MYH11: variants seen among roughly 807,000 people sequenced by gnomAD.
MYH11 encodes the protein myosin-11.
A neutral mutation model predicts 246.6 loss-of-function variants in MYH11; 80 were observed. The observed-to-expected ratio is 0.32, with a 90% CI of 0.27 to 0.39. The LOEUF is 0.39. Among genes scored for constraint, MYH11 ranks in the 10% least tolerant of loss-of-function variants. The pLI, the probability that MYH11 is intolerant of heterozygous loss-of-function variation, is 1.00. For synonymous variants in MYH11, 1,071 were observed against 1,015.5 expected (o/e 1.05, Z -1.04); for missense variants, 2,158 against 2,546.8 (o/e 0.85, Z 3.29).
intron 3 of MYH11, among the ~76,000 whole-genome samples, chr16:15,810,394 C>A (rs1274732600): frequency 6.6e-6 from 1 of 151,924 alleles, no homozygotes; most frequent in Non-Finnish European, 1.5e-5. Flanking sequence ...CTGTAATGCA[C>A]CATGGGTACC....
chr16:15,708,969 G>T, intron 40 of MYH11: 3 of 1,004,162 alleles, frequency 3.0e-6, no homozygotes, highest in Non-Finnish European at 4.6e-6. Context: ...TTTATTTTGA[G>T]ATAGTCTCTG....
intron 3 of MYH11, among the ~76,000 whole-genome samples, chr16:15,812,636 G>A (rs1403961908): frequency 6.9e-6 from 1 of 144,946 alleles, no homozygotes; most frequent in Non-Finnish European, 1.5e-5. Context: ...ACTTTGAGAA[G>A]CCTAGGCAGG....
intron 3 of MYH11, 77 bp downstream of exon 3, chr16:15,823,178 T>G: frequency 6.3e-7 from 1 of 1,596,966 alleles, no homozygotes; most frequent in Non-Finnish European, 8.6e-7. Flanking sequence ...AACTCCACAT[T>G]CCTGGCAAGA....
intron 28 of MYH11, 76 bp downstream of exon 28, chr16:15,726,772 G>A: frequency 6.4e-7 from 1 of 1,557,762 alleles, no homozygotes; most frequent in South Asian, 1.1e-5. Context: ...ACCTCAGCGA[G>A]CCGGGAAGAG....
chr16:15,790,379 C>G (rs956103136), intron 4 of MYH11, among the ~76,000 whole-genome samples: 2 of 151,700 alleles, frequency 1.3e-5, no homozygotes, highest in Admixed American at 6.6e-5. Context: ...CTATCCGTGG[C>G]TATGGTCTCC....
intron 13 of MYH11, 31 bp from the exon 14 acceptor site, chr16:15,756,545 G>A (rs2041722164): frequency 1.2e-6 from 2 of 1,613,230 alleles, no homozygotes; most frequent in Non-Finnish European, 1.7e-6. Flanking sequence ...TTGAATCAGA[G>A]AGAACACCCA....
chr16:15,753,254 C>G, intron 15 of MYH11, 140 bp downstream of exon 15: 1 of 766,408 alleles, frequency 1.3e-6, no homozygotes, highest in Non-Finnish European at 2.3e-6. Context: ...CGAGACATCA[C>G]CAGCCCATGC....
rs2041530971 is a variant in MYH11, at chr16:15,750,259, T to C, written c.1937A>G (p.Lys646Arg). The change falls in exon 16 of 41, where the codon AAG becomes AGG. Residue 646 changes from lysine to arginine, a missense_variant. Physicochemically the swap from Lys to Arg is conservative, Grantham distance 26 (BLOSUM62 2). This residue lies in a region of MYH11 where 317 missense variants were observed against 507.7 expected (regional missense o/e 0.62). Transcript: ENST00000300036. This position sits in a 1 kb window ranked among gnomAD's most constrained non-coding sequence, Gnocchi z 4.3. ...ESSLPSASKT[K>R]KGMFRTVGQL... ...CCCCACTGTGCGGAACATGCCCTTCTTGGTCTTGGAGGCGCTGGGCAGCGA... is the reference window on the plus strand; with the variant it reads ...CCCCACTGTGCGGAACATGCCCTTCCTGGTCTTGGAGGCGCTGGGCAGCGA... The C allele has an allele frequency of 6.2e-7, 1 of 1,614,184 alleles. No homozygotes were observed. Among genetic ancestry groups the C allele is most frequent in the Non-Finnish European group, 8.5e-7 (1 of 1,180,016 alleles).
Position 15,721,551 on chromosome 16 carries a change from G to A in MYH11, c.4449C>T (p.Thr1483=). The A allele has an allele frequency of 6.2e-7, 1 of 1,614,182 alleles. No individual in the cohort carries two copies. The highest frequency in any genetic ancestry group is 1.3e-5 in the African/African-American group (1 of 75,052). ...RAEAEAREKE[T]KALSLARALE... The stretch of plus-strand genomic sequence containing the variant: ...GGGCCCGAGCCAGGGACAGGGCCTT[G>A]GTTTCCTTCTCCCTGGCTTCTGCCT... Residue 1483 remains threonine, a synonymous_variant, in exon 32 of 41, where the codon ACC becomes ACT. Coordinates refer to ENST00000300036, the MANE Select transcript of MYH11 (RefSeq NM_002474.3).
intron 16 of MYH11, 46 bp from the exon 17 acceptor site, chr16:15,748,214 T>A (rs2041473070): frequency 6.2e-7 from 1 of 1,610,282 alleles, no homozygotes; most frequent in Non-Finnish European, 8.5e-7. Flanking sequence ...CCAGAAACCA[T>A]GGCGCAGCAA....
chr16:15,706,184 C>A (rs1179867825), intron 40 of MYH11, among the ~76,000 whole-genome samples: 2 of 152,218 alleles, frequency 1.3e-5, no homozygotes, highest in South Asian at 4.2e-4. Flanking sequence ...AGTAAACACT[C>A]CTAGCCCAGC....
rs1295303475 is a variant in MYH11 at position 15,709,567 on chromosome 16, G to A, written c.5786+5342C>T. 5.9e-5 allele frequency among the ~76,000 whole-genome samples: 9 copies of A among 152,108 alleles called. No homozygotes were observed. In the South Asian group the frequency reaches 6.2e-4, roughly 11 times the overall value. Reference sequence around the variant, plus strand: ...TGACCTCAAGTGATCCACCCACCTCGGCCTCCCAAAGAGCTGGGATTACAG... The same window carrying A: ...TGACCTCAAGTGATCCACCCACCTCAGCCTCCCAAAGAGCTGGGATTACAG... On this transcript the variant is annotated intron_variant, in intron 40 of 40. Transcript: ENST00000300036.
At chr16:15,740,335 T>C in intron 22 of MYH11, 147 bp from the exon 23 acceptor site, 1 of 1,283,512 alleles carries the variant, frequency 7.8e-7, no homozygotes, top group South Asian at 1.3e-5. Context: ...GGCCTGAGCG[T>C]GGTGGCTCAC....
At chr16:15,833,122 C>A (rs899427348) in intron 2 of MYH11, among the ~76,000 whole-genome samples, 1 of 151,210 alleles carries the variant, frequency 6.6e-6, no homozygotes, top group Non-Finnish European at 1.5e-5. Flanking sequence ...TACGGTGTGA[C>A]CCCACCTCTA....
In MYH11 at chr16:15,823,409, C is replaced by T. The variant is rs781275376; in HGVS notation, c.348G>A (p.Thr116=). 36 of 1,613,992 alleles carry T rather than the reference C, an allele frequency of 2.2e-5. 1 individual carries two copies. The highest frequency in any genetic ancestry group is 1.6e-4 in the South Asian group (15 of 91,092). Residue 116 remains threonine (T), a splice_region_variant and synonymous_variant, in exon 3 of 41, where the codon ACG becomes ACA. Coordinates refer to ENST00000300036, the MANE Select transcript of MYH11 (RefSeq NM_002474.3). The stretch of plus-strand genomic sequence containing the variant: ...CCACCACGCAGAAGAGGCCAGAGTA[C>T]GTCTGCAGACAGAGAACCCAGCTTA... The part of the protein sequence containing the change: ...RERYFSGLIY[T]YSGLFCVVVN...
At chr16:15,848,409 T>C (rs2044252872) in intron 1 of MYH11, among the ~76,000 whole-genome samples, 1 of 151,994 alleles carries the variant, frequency 6.6e-6, no homozygotes, top group African/African-American at 2.4e-5. Flanking sequence ...AATTTTTGTA[T>C]TTTTAGTAGA....
At chr16:15,766,446 G>A (rs1437554677) in intron 9 of MYH11, among the ~76,000 whole-genome samples, 2 of 150,966 alleles carry the variant, frequency 1.3e-5, no homozygotes, top group Non-Finnish European at 1.5e-5. Flanking sequence ...TCGGCTCACT[G>A]CAACCTCTGC....
intron 3 of MYH11, among the ~76,000 whole-genome samples, chr16:15,802,441 C>T (rs1437658774): frequency 1.3e-5 from 2 of 152,174 alleles, no homozygotes; most frequent in Non-Finnish European, 2.9e-5. Flanking sequence ...CCTCAGACTG[C>T]GATGTTATTG....
intron 15 of MYH11, among the ~76,000 whole-genome samples, chr16:15,751,003 C>A (rs1237642742): frequency 2.0e-5 from 3 of 151,890 alleles, no homozygotes; most frequent in African/African-American, 7.3e-5. Flanking sequence ...CAGAAACCAG[C>A]AAGAAATGAG....
Sources: gnomAD v4.1 joint callset for allele counts (sites outside exome capture counted in the v4.1 genomes callset) on GRCh38, gnomAD v4.1.1 for gene constraint, gnomAD v4.1.1 regional missense constraint, Gnocchi (gnomAD v3.1) non-coding constraint, MANE v1.5 for transcripts, NCBI Gene and HGNC (gene_info 2026-07-23, HGNC 2026-07-21) for gene names.